EPHA5: variants seen among roughly 807,000 people sequenced by gnomAD.
The protein encoded by EPHA5 is ephrin type-A receptor 5.
In EPHA5, 60 loss-of-function variants were observed where a neutral mutation model predicts 105.0. The ratio of observed to expected loss-of-function variants is 0.57; its 90% confidence interval spans 0.46 to 0.71. EPHA5 has a LOEUF of 0.71. Among genes scored for constraint, EPHA5 ranks in the 30% least tolerant of loss-of-function variants. The pLI, the probability that EPHA5 is intolerant of heterozygous loss-of-function variation, is 0.00. For missense variants in EPHA5, 1,218 were observed against 1,274.7 expected (o/e 0.96, Z 0.68); for synonymous variants, 513 against 449.1 (o/e 1.14, Z -1.80).
intron 11 of EPHA5, among the ~76,000 whole-genome samples, chr4:65,364,702 T>G (rs1419804190): frequency 6.6e-6 from 1 of 151,420 alleles, no homozygotes; most frequent in Non-Finnish European, 1.5e-5. Context: ...AGTTAATATT[T>G]CATTAGGATA....
intron 5 of EPHA5, among the ~76,000 whole-genome samples, chr4:65,476,117 AGAGAGAGAGAGT>A (rs910495410): frequency 1.6e-5 from 2 of 127,862 alleles, no homozygotes; most frequent in African/African-American, 6.1e-5. Context: ...AGAGAGAGAG[AGAGAGAGAGAGT>A]GTGTGTGTGT....
Position 65,332,623 on chromosome 4 carries a change from G to C in EPHA5, c.2790-495C>G. 2.0e-5 allele frequency among the ~76,000 whole-genome samples: 3 copies of C among 151,348 alleles called. No homozygotes were observed. The Middle Eastern group carries it at 0.01, about 515-fold the overall frequency. The stretch of plus-strand genomic sequence containing the variant: ...TGATGCTGGTAATGGGGTGGTGGGG[G>C]GTGGGGGAAGGCTACATATGTGTAG... On this transcript the variant is annotated intron_variant, in intron 15 of 16. Coordinates refer to ENST00000613740, the MANE Select transcript of EPHA5 (RefSeq NM_001281766.3).
rs533728316 is a variant in EPHA5, at chr4:65,567,909, A to C, written c.910+33732T>G. Among the ~76,000 whole-genome samples, 3 of 151,650 alleles carry C rather than the reference A, an allele frequency of 2.0e-5. No homozygotes were observed. In the East Asian group the frequency reaches 5.8e-4, roughly 29 times the overall value. ...CTGTTTAAAATTCTGCCTGCTGATAAACTAATCCTATTCTTTGAATTTTTT... is the reference window on the plus strand; with the variant it reads ...CTGTTTAAAATTCTGCCTGCTGATACACTAATCCTATTCTTTGAATTTTTT... On this transcript the variant is annotated intron_variant, in intron 3 of 16. Transcript: ENST00000613740.
chr4:65,369,379 A>G (rs1718234078), intron 8 of EPHA5, among the ~76,000 whole-genome samples: 1 of 152,156 alleles, frequency 6.6e-6, no homozygotes, highest in Non-Finnish European at 1.5e-5. Flanking sequence ...CACAAAATTC[A>G]GTTTACTAAA....
intron 7 of EPHA5, among the ~76,000 whole-genome samples, chr4:65,405,762 A>G (rs1722296941): frequency 1.3e-5 from 2 of 152,146 alleles, no homozygotes; most frequent in Non-Finnish European, 2.9e-5. Context: ...GGTCTATGGT[A>G]AGAAATTTAG....
rs115507870 is a variant in EPHA5, at chr4:65,385,499, A to G, written c.1794-18075T>C. ...TGAACATACTCTAGAATGACTTAAG[A>G]GGAAGCTAAATGTCACATTTTCATA... On this transcript the variant is annotated intron_variant, in intron 8 of 16. Coordinates refer to ENST00000613740, the MANE Select transcript of EPHA5 (RefSeq NM_001281766.3). Among the ~76,000 whole-genome samples, 410 of 152,100 alleles carry G rather than the reference A, an allele frequency of 2.7e-3. 3 individuals carry two copies. The highest frequency in any genetic ancestry group is 9.0e-3 in the African/African-American group (373 of 41,546).
At position 65,623,590 on chromosome 4, in the gene EPHA5, G is replaced by T. The variant is rs113210911; in HGVS notation, c.246+19773C>A. ...CAGTGTTTCTCTTACAGCTTTGCAA[G>T]ATGGGTATATGAAGCAGGAAGCTTC... On this transcript the variant is annotated intron_variant, in intron 2 of 16. Coordinates refer to ENST00000613740, the MANE Select transcript of EPHA5 (RefSeq NM_001281766.3). Among the ~76,000 whole-genome samples, 54 of 152,258 alleles carry T rather than the reference G, an allele frequency of 3.5e-4. 2 individuals carry two copies. The highest frequency in any genetic ancestry group is 1.3e-3 in the African/African-American group (52 of 41,566).
intron 11 of EPHA5, among the ~76,000 whole-genome samples, chr4:65,354,884 A>G (rs1378169663): frequency 6.6e-6 from 1 of 151,818 alleles, no homozygotes; most frequent in Non-Finnish European, 1.5e-5. Flanking sequence ...CTTATAAAAT[A>G]CTCGAGACAA....
intron 5 of EPHA5, among the ~76,000 whole-genome samples, chr4:65,462,602 G>T (rs1203026339): frequency 6.6e-6 from 1 of 152,066 alleles, no homozygotes; most frequent in Non-Finnish European, 1.5e-5. Context: ...ACCTGGTCAG[G>T]GCACTCCCTC....
intron 2 of EPHA5, among the ~76,000 whole-genome samples, chr4:65,640,282 CTTTTTTTT>C (rs869149037): frequency 1.1e-5 from 1 of 92,224 alleles, no homozygotes; most frequent in Non-Finnish European, 2.0e-5. Flanking sequence ...TCAGTTTTTT[CTTTTTTTT>C]TTTTTTTTTT....
chr4:65,328,965 C>T (rs535397770), intron 16 of EPHA5, among the ~76,000 whole-genome samples: 19 of 151,362 alleles, frequency 1.3e-4, no homozygotes, highest in Non-Finnish European at 2.1e-4. Context: ...CTGATGATAA[C>T]AGGAACCTCT....
chr4:65,408,137 T>A (rs1261691131), intron 7 of EPHA5, among the ~76,000 whole-genome samples: 1 of 152,158 alleles, frequency 6.6e-6, no homozygotes, highest in Non-Finnish European at 1.5e-5. Flanking sequence ...CCTGAGGGCA[T>A]TAATGATATC....
intron 3 of EPHA5, among the ~76,000 whole-genome samples, chr4:65,585,286 G>T (rs1012859607): frequency 6.6e-6 from 1 of 151,666 alleles, no homozygotes; most frequent in African/African-American, 2.4e-5. Flanking sequence ...AGATTGAAAT[G>T]GGGTGTAAGT....
intron 8 of EPHA5, among the ~76,000 whole-genome samples, chr4:65,370,295 C>T (rs1388782239): frequency 6.6e-6 from 1 of 152,042 alleles, no homozygotes; most frequent in Non-Finnish European, 1.5e-5. Flanking sequence ...ATACATTGCT[C>T]ATAATTTTGC....
chr4:65,467,085 A>T (rs1400496600), intron 5 of EPHA5, among the ~76,000 whole-genome samples: 1 of 152,218 alleles, frequency 6.6e-6, no homozygotes, highest in Non-Finnish European at 1.5e-5. Flanking sequence ...AATAAAGCAG[A>T]ATGAAACCTG....
At chr4:65,576,018 GA>G (rs1319523346) in intron 3 of EPHA5, among the ~76,000 whole-genome samples, 3 of 79,924 alleles carry the variant, frequency 3.8e-5, no homozygotes, top group East Asian at 3.8e-4. Flanking sequence ...AAGAAAGAAA[GA>G]AAGAAAGAAA....
intron 8 of EPHA5, among the ~76,000 whole-genome samples, chr4:65,369,558 A>C (rs927018886): frequency 2.0e-5 from 3 of 152,168 alleles, no homozygotes; most frequent in Non-Finnish European, 4.4e-5. Context: ...TATATTTAAA[A>C]TATATGTATA....
intron 3 of EPHA5, among the ~76,000 whole-genome samples, chr4:65,511,474 G>A (rs552571268): frequency 1.4e-4 from 21 of 151,996 alleles, no homozygotes; most frequent in African/African-American, 4.6e-4. Flanking sequence ...TTCATCAATG[G>A]GACTACATCA....
intron 3 of EPHA5, among the ~76,000 whole-genome samples, chr4:65,513,677 C>T (rs566985391): frequency 6.6e-6 from 1 of 152,120 alleles, no homozygotes; most frequent in Admixed American, 6.6e-5. Context: ...TGAGCCACTG[C>T]GCCCAGCCTC....
Sources: gnomAD v4.1 joint callset for allele counts (sites outside exome capture counted in the v4.1 genomes callset) on GRCh38, gnomAD v4.1.1 for gene constraint, MANE v1.5 for transcripts, NCBI Gene and HGNC (gene_info 2026-07-23, HGNC 2026-07-21) for gene names.